The following PCLO variants were observed in gnomAD, a reference collection of about 807,000 sequenced individuals.
PCLO encodes piccolo presynaptic cytomatrix protein, also known as protein piccolo.
Under a neutral mutation model 427.5 loss-of-function variants are expected in PCLO, and 82 were observed. The observed-to-expected ratio is 0.19, with a 90% CI of 0.16 to 0.23. The LOEUF is 0.23. PCLO is among the 10% of genes least tolerant of loss of function. The pLI is 1.00. For missense variants in PCLO, 6,239 were observed against 6,115.9 expected (o/e 1.02, Z -0.67); for synonymous variants, 2,357 against 2,155.4 (o/e 1.09, Z -2.59).
chr7:83,096,513 C>T (rs1389283039), intron 3 of PCLO, among the ~76,000 whole-genome samples: 1 of 151,416 alleles, frequency 6.6e-6, no homozygotes, highest in Non-Finnish European at 1.5e-5. Flanking sequence ...AATATTTAAA[C>T]CATGTGAAGG....
chr7:82,769,925 C>A (rs1031374682), intron 22 of PCLO, among the ~76,000 whole-genome samples: 2 of 152,012 alleles, frequency 1.3e-5, no homozygotes, highest in Non-Finnish European at 2.9e-5. Flanking sequence ...GGCTTCTAGC[C>A]CCGTGAGATG....
At chr7:82,891,992 C>A (rs1051097628) in intron 9 of PCLO, among the ~76,000 whole-genome samples, 2 of 152,066 alleles carry the variant, frequency 1.3e-5, no homozygotes, top group African/African-American at 4.8e-5. Context: ...GTGAAAATGG[C>A]CACACTGCCC....
intron 3 of PCLO, among the ~76,000 whole-genome samples, chr7:83,050,227 A>AAAAAAAAAAAAAAAAAAC (rs71074611): frequency 8.2e-5 from 7 of 85,650 alleles, no homozygotes; most frequent in Non-Finnish European, 1.6e-4. Context: ...AAAAAAAAAA[A>AAAAAAAAAAAAAAAAAAC]AAAAAAAAAA....
chr7:82,854,237 T>C (rs1792743254), intron 10 of PCLO, among the ~76,000 whole-genome samples: 2 of 152,122 alleles, frequency 1.3e-5, no homozygotes, highest in Non-Finnish European at 2.9e-5. Flanking sequence ...TGTTACATTG[T>C]TATATTTGTA....
intron 7 of PCLO, among the ~76,000 whole-genome samples, 159 bp from the exon 8 acceptor site, chr7:82,909,172 T>G (rs1472312607): frequency 6.6e-6 from 1 of 152,106 alleles, no homozygotes; most frequent in Non-Finnish European, 1.5e-5. Context: ...TTTTTGTTAT[T>G]ATGCCAAAAA....
At chr7:82,816,442 C>A (rs1240182900) in intron 20 of PCLO, among the ~76,000 whole-genome samples, 1 of 152,060 alleles carries the variant, frequency 6.6e-6, no homozygotes, top group South Asian at 2.1e-4. Flanking sequence ...TCATTGCCCT[C>A]CCCCATCAGC....
chr7:83,127,003 G>C (rs909984949), intron 3 of PCLO, among the ~76,000 whole-genome samples: 1 of 151,984 alleles, frequency 6.6e-6, no homozygotes, highest in Non-Finnish European at 1.5e-5. Context: ...CCATTTACCT[G>C]AATACATCCA....
chr7:82,966,448 C>G lies in PCLO; in HGVS notation c.3340G>C (p.Ala1114Pro), dbSNP rs374550440. 13 of 1,591,442 alleles carry G rather than the reference C, an allele frequency of 8.2e-6. No homozygotes were observed. In the African/African-American group the frequency reaches 9.5e-5, roughly 12 times the overall value. ...ATGTCTCCAAGCTGTCCTGATATTG[C>G]TCTCTGGGTTTGGCAATTTAAACAA... Reference protein sequence around the residue: ...WLCLNCQTQRAISGQLGDIRK... With the variant: ...WLCLNCQTQRPISGQLGDIRK... Residue 1114 changes from alanine to proline, a missense_variant, in exon 4 of 25, where the codon GCA becomes CCA. Physicochemically the swap from Ala to Pro is conservative, Grantham distance 27. This residue lies in a region of PCLO where 4,677 missense variants were observed against 4,468.4 expected (regional missense o/e 1.05). Coordinates refer to ENST00000333891, the MANE Select transcript of PCLO (RefSeq NM_033026.6).
intron 3 of PCLO, among the ~76,000 whole-genome samples, chr7:83,043,160 C>A: frequency 6.6e-6 from 1 of 152,094 alleles, no homozygotes; most frequent in East Asian, 1.9e-4. Context: ...CAGACATTCC[C>A]AAATATCCTC....
intron 3 of PCLO, among the ~76,000 whole-genome samples, chr7:83,041,799 C>T (rs1453073632): frequency 6.6e-6 from 1 of 152,040 alleles, no homozygotes. Context: ...ATTACATTTC[C>T]TAAAGAAATG....
Position 83,162,870 on chromosome 7 carries a change from G to T in PCLO, c.-278C>A, listed in dbSNP as rs1190528067. 8.2e-6 allele frequency: 4 copies of T among 490,108 alleles called. No homozygotes were observed. The highest frequency in any genetic ancestry group is 2.1e-5 in the African/African-American group (1 of 48,348). 30.4% of individuals were successfully genotyped at this position (490,108 alleles called of 1,614,324 possible). A position where few individuals can be genotyped will look rare whatever the true frequency, so the allele number is the denominator to read the frequency against. ...GACGCCGCCTCGGCGCCCCGAGCCGGGGAGAAGCAGATCTGAGCGGTGCCA... is the reference window on the plus strand; with the variant it reads ...GACGCCGCCTCGGCGCCCCGAGCCGTGGAGAAGCAGATCTGAGCGGTGCCA... On this transcript the variant is annotated 5_prime_UTR_variant, in exon 1 of 25. Transcript: ENST00000333891.
At chr7:82,999,797 A>AAATAT in intron 3 of PCLO, among the ~76,000 whole-genome samples, 1 of 124,844 alleles carries the variant, frequency 8.0e-6, no homozygotes, top group Non-Finnish European at 1.6e-5. Context: ...AAAATATAAT[A>AAATAT]TATAATATTA....
chr7:82,984,240 T>C (rs1275384565), intron 3 of PCLO, among the ~76,000 whole-genome samples: 1 of 152,054 alleles, frequency 6.6e-6, no homozygotes, highest in Admixed American at 6.6e-5. Context: ...CCTACTTTTA[T>C]GGTACCCTTC....
intron 6 of PCLO, among the ~76,000 whole-genome samples, chr7:82,932,365 GATC>G (rs1794858960): frequency 6.6e-6 from 1 of 152,046 alleles, no homozygotes; most frequent in Non-Finnish European, 1.5e-5. Context: ...CTGAACCTTG[GATC>G]ATAAAAGCGG....
At chr7:83,115,057 G>C (rs1332180260) in intron 3 of PCLO, among the ~76,000 whole-genome samples, 1 of 151,934 alleles carries the variant, frequency 6.6e-6, no homozygotes, top group Non-Finnish European at 1.5e-5. Flanking sequence ...AATTAAACAA[G>C]AATGAGACAA....
intron 22 of PCLO, among the ~76,000 whole-genome samples, chr7:82,775,211 T>G (rs1408744338): frequency 6.6e-6 from 1 of 152,182 alleles, no homozygotes; most frequent in African/African-American, 2.4e-5. Flanking sequence ...ATGGGCAGGT[T>G]TTTTTGTGGT....
intron 22 of PCLO, among the ~76,000 whole-genome samples, chr7:82,780,980 A>G (rs1790860183): frequency 6.6e-6 from 1 of 152,204 alleles, no homozygotes; most frequent in South Asian, 2.1e-4. Context: ...GAACAGACTC[A>G]AAAGCAGTTC....
At chr7:82,847,671 G>A (rs771606509) in intron 10 of PCLO, among the ~76,000 whole-genome samples, 11 of 152,176 alleles carry the variant, frequency 7.2e-5, no homozygotes, top group Non-Finnish European at 1.5e-4. Context: ...TGAAATGGGA[G>A]CAGTAGAAAA....
At chr7:83,022,934 T>C (rs1452155443) in intron 3 of PCLO, among the ~76,000 whole-genome samples, 1 of 152,220 alleles carries the variant, frequency 6.6e-6, no homozygotes, top group African/African-American at 2.4e-5. Context: ...TTGCAAATTA[T>C]CCTGTTTTTA....
Sources: gnomAD v4.1 joint callset for allele counts (sites outside exome capture counted in the v4.1 genomes callset) on GRCh38, gnomAD v4.1.1 for gene constraint, gnomAD v4.1.1 regional missense constraint, MANE v1.5 for transcripts, NCBI Gene and HGNC (gene_info 2026-07-23, HGNC 2026-07-21) for gene names.